Variants in DRAM1 observed in about 807,000 individuals in gnomAD.
DRAM1 encodes DNA damage-regulated autophagy modulator protein 1.
In DRAM1, 25 loss-of-function variants were observed where a neutral mutation model predicts 28.5. That is an observed-to-expected ratio of 0.88 (90% CI 0.64 to 1.23). The LOEUF is 1.23. Among genes scored for constraint, DRAM1 ranks in the 50% most tolerant of loss-of-function variants. The pLI is 0.00. For missense variants in DRAM1, 249 were observed against 299.2 expected (o/e 0.83, Z 1.24); for synonymous variants, 113 against 114.2 (o/e 0.99, Z 0.07).
intron 1 of DRAM1, chr12:101,890,140 A>T (rs1177568333): frequency 2.3e-6 from 1 of 440,680 alleles, no homozygotes; most frequent in Non-Finnish European, 4.5e-6. Flanking sequence ...GTGCAGTGGC[A>T]CGATCTTGGC....
chr12:101,877,801 C>G lies in DRAM1; in HGVS notation c.12C>G (p.Phe4Leu). 6.5e-7 allele frequency: 1 copy of G among 1,535,314 alleles called. No homozygotes were observed. Among genetic ancestry groups the G allele is most frequent in the Non-Finnish European group, 8.8e-7 (1 of 1,139,306 alleles). The stretch of plus-strand genomic sequence containing the variant: ...GCGGCGGCGGCGCGATGCTGTGCTT[C>G]CTGAGGGGAATGGCTTTCGTCCCCT... MLC[F>L]LRGMAFVPFL... is the part of the protein sequence containing the mutation. The change falls in exon 1 of 7, where the codon TTC becomes TTG. Residue 4 changes from phenylalanine (F) to leucine (L), a missense_variant. Coordinates refer to ENST00000258534, the MANE Select transcript of DRAM1 (RefSeq NM_018370.3). The surrounding 1 kb of genome is among the most constrained non-coding windows in gnomAD (Gnocchi z 4.1).
chr12:101,916,739 C>T (rs1031173385), intron 5 of DRAM1, among the ~76,000 whole-genome samples: 12 of 152,168 alleles, frequency 7.9e-5, no homozygotes, highest in Admixed American at 5.2e-4. Context: ...GAGAGAAGAA[C>T]TAGACTTGTG....
At chr12:101,883,326 T>C (rs1386064707) in intron 1 of DRAM1, among the ~76,000 whole-genome samples, 1 of 149,646 alleles carries the variant, frequency 6.7e-6, no homozygotes, top group Non-Finnish European at 1.5e-5. Flanking sequence ...TTTTTTTTTT[T>C]TTTTTGAGAT....
chr12:101,877,709 C>A lies in DRAM1; in HGVS notation c.-81C>A, dbSNP rs548025860. On this transcript the variant is annotated 5_prime_UTR_variant, in exon 1 of 7. Coordinates refer to ENST00000258534, the MANE Select transcript of DRAM1 (RefSeq NM_018370.3). The surrounding 1 kb of genome is among the most constrained non-coding windows in gnomAD (Gnocchi z 4.1). ...ACCGTCCGTGAGTGTACGCGCCCGG[C>A]CGCCGCCTCCAGGCAGCCCGGAGCA... 1 of 1,165,006 alleles carries A rather than the reference C, an allele frequency of 8.6e-7. No individual in the cohort carries two copies. 72.2% of individuals were successfully genotyped at this position (1,165,006 alleles called of 1,614,324 possible). A position where few individuals can be genotyped will look rare whatever the true frequency, so the allele number is the denominator to read the frequency against.
Position 101,877,828 on chromosome 12 carries a change from C to A in DRAM1, c.39C>A (p.Phe13Leu). ...TGAGGGGAATGGCTTTCGTCCCCTTCCTCTTGGTGACCTGGTCGTCAGCCG... is the reference window on the plus strand; with the variant it reads ...TGAGGGGAATGGCTTTCGTCCCCTTACTCTTGGTGACCTGGTCGTCAGCCG... ...CFLRGMAFVP[F>L]LLVTWSSAAF... The change falls in exon 1 of 7, where the codon TTC becomes TTA. Residue 13 changes from phenylalanine (F) to leucine (L), a missense_variant. Transcript: ENST00000258534. The surrounding 1 kb of genome is among the most constrained non-coding windows in gnomAD (Gnocchi z 4.1). 1 of 1,546,960 alleles carries A rather than the reference C, an allele frequency of 6.5e-7. No individual in the cohort carries two copies. The highest frequency in any genetic ancestry group is 8.7e-7 in the Non-Finnish European group (1 of 1,144,834).
rs1874478944 is a variant in DRAM1 at position 101,921,433 on chromosome 12, C to T, written c.*173C>T. The T allele has an allele frequency of 3.3e-6, 2 of 607,274 alleles. No individual in the cohort carries two copies. Among genetic ancestry groups the T allele is most frequent in the Non-Finnish European group, 5.9e-6 (2 of 337,926 alleles). 37.6% of individuals were successfully genotyped at this position (607,274 alleles called of 1,614,324 possible). A position where few individuals can be genotyped will look rare whatever the true frequency, so the allele number is the denominator to read the frequency against. On this transcript the variant is annotated 3_prime_UTR_variant, in exon 7 of 7. Coordinates refer to ENST00000258534, the MANE Select transcript of DRAM1 (RefSeq NM_018370.3). ...AGTTGTATTTCTAAAGATGTGTTTC[C>T]TAGAGAATGTACAGCCTTATGACAC...
chr12:101,915,870 C>T (rs560447448), intron 5 of DRAM1, among the ~76,000 whole-genome samples: 6 of 152,182 alleles, frequency 3.9e-5, no homozygotes, highest in South Asian at 4.1e-4. Context: ...TGCAGACTTT[C>T]GAACGGTAAA....
chr12:101,898,491 AACGG>A (rs150886876), intron 2 of DRAM1, among the ~76,000 whole-genome samples: 2,079 of 152,326 alleles, frequency 0.014, 47 homozygotes, highest in African/African-American at 0.048. Flanking sequence ...AAACTTCTGG[AACGG>A]ATTTTAAGTG....
chr12:101,915,786 T>TC (rs1874217861), intron 5 of DRAM1, among the ~76,000 whole-genome samples: 1 of 152,054 alleles, frequency 6.6e-6, no homozygotes, highest in Non-Finnish European at 1.5e-5. Flanking sequence ...GGTCTTGATC[T>TC]CTGCACCTCG....
intron 6 of DRAM1, 129 bp downstream of exon 6, chr12:101,920,330 G>A (rs1594315680): frequency 3.4e-6 from 1 of 290,342 alleles, no homozygotes; most frequent in South Asian, 5.7e-5. Flanking sequence ...ACGGAGTCTC[G>A]CTCTGTCGCC....
chr12:101,883,569 C>T (rs1872768037), intron 1 of DRAM1, among the ~76,000 whole-genome samples: 1 of 151,110 alleles, frequency 6.6e-6, no homozygotes, highest in African/African-American at 2.4e-5. Flanking sequence ...CCACCTCGGC[C>T]TCCCAAAGTG....
chr12:101,920,409 T>C (rs1874437540), intron 6 of DRAM1, among the ~76,000 whole-genome samples: 1 of 150,494 alleles, frequency 6.6e-6, no homozygotes, highest in Non-Finnish European at 1.5e-5. Context: ...CTTTTTATCC[T>C]TAATGTGTTT....
intron 2 of DRAM1, among the ~76,000 whole-genome samples, chr12:101,901,035 A>T (rs1873579259): frequency 6.6e-6 from 1 of 152,076 alleles, no homozygotes; most frequent in South Asian, 2.1e-4. Flanking sequence ...AGAGTAATAC[A>T]TGTACTATAA....
In DRAM1 at chr12:101,877,707, G is replaced by A. The variant is rs1872535115; in HGVS notation, c.-83G>A. 1.7e-6 allele frequency: 2 copies of A among 1,153,746 alleles called. No homozygotes were observed. The highest frequency in any genetic ancestry group is 4.4e-5 in the Admixed American group (1 of 22,626). 71.5% of individuals were successfully genotyped at this position (1,153,746 alleles called of 1,614,324 possible). ...CCACCGTCCGTGAGTGTACGCGCCC[G>A]GCCGCCGCCTCCAGGCAGCCCGGAG... On this transcript the variant is annotated 5_prime_UTR_variant, in exon 1 of 7. Transcript: ENST00000258534. This position sits in a 1 kb window ranked among gnomAD's most constrained non-coding sequence, Gnocchi z 4.1.
intron 1 of DRAM1, among the ~76,000 whole-genome samples, chr12:101,880,058 T>G (rs1163367441): frequency 6.6e-6 from 1 of 151,704 alleles, no homozygotes; most frequent in Non-Finnish European, 1.5e-5. Flanking sequence ...TTTGTTTGTT[T>G]GTTTTTTCAG....
At chr12:101,917,642 C>T (rs1012856594) in intron 5 of DRAM1, among the ~76,000 whole-genome samples, 4 of 148,396 alleles carry the variant, frequency 2.7e-5, no homozygotes, top group East Asian at 2.0e-4. Flanking sequence ...TGCAATGAGC[C>T]GAGATCATGC....
chr12:101,896,694 T>C (rs1407848319), intron 1 of DRAM1, among the ~76,000 whole-genome samples: 2 of 152,200 alleles, frequency 1.3e-5, no homozygotes, highest in African/African-American at 4.8e-5. Flanking sequence ...GAAACCCTTT[T>C]TTGTTAAAAT....
chr12:101,902,915 CT>C (rs113899412), intron 3 of DRAM1, among the ~76,000 whole-genome samples: 66,805 of 147,830 alleles, frequency 0.45, 16,585 homozygotes, highest in East Asian at 0.7. Flanking sequence ...GTGACTGCCT[CT>C]TTTTTTTTTT....
At chr12:101,912,149 G>C (rs1049435364) in intron 4 of DRAM1, among the ~76,000 whole-genome samples, 9 of 152,150 alleles carry the variant, frequency 5.9e-5, no homozygotes, top group African/African-American at 2.2e-4. Flanking sequence ...CAGGTGAGCT[G>C]AGATCACACC....
Sources: allele counts gnomAD v4.1 joint callset (sites outside exome capture counted in the v4.1 genomes callset), GRCh38; gene constraint gnomAD v4.1.1; non-coding constraint Gnocchi (gnomAD v3.1); transcripts MANE v1.5; gene names NCBI Gene and HGNC (gene_info 2026-07-23, HGNC 2026-07-21).